CNTN5: variants seen among roughly 807,000 people sequenced by gnomAD.
CNTN5 encodes contactin-5.
CNTN5 carries 77 observed loss-of-function variants against 129.1 expected under a neutral mutation model. The observed-to-expected ratio is 0.60, with a 90% CI of 0.50 to 0.72. The LOEUF is 0.72. CNTN5 is among the 30% of genes least tolerant of loss of function. The probability of loss-of-function intolerance (pLI) is 0.00; values close to 1 mark genes in which losing one functional copy is unlikely to be tolerated. For missense variants in CNTN5, 1,478 were observed against 1,328.8 expected, an observed-to-expected ratio of 1.11 and a Z score of -1.75; for synonymous variants, 509 against 465.6, an observed-to-expected ratio of 1.09 and a Z score of -1.20.
At chr11:99,580,274 T>C (rs1949527344) in intron 3 of CNTN5, among the ~76,000 whole-genome samples, 1 of 152,206 alleles carries the variant, frequency 6.6e-6, no homozygotes, top group African/African-American at 2.4e-5. Context: ...TCATCAAAGA[T>C]ATTGGTCTAA....
chr11:99,869,287 C>T (rs192710411), intron 6 of CNTN5, among the ~76,000 whole-genome samples: 206 of 152,156 alleles, frequency 1.4e-3, no homozygotes, highest in African/African-American at 4.7e-3. Context: ...ATTAAAACTC[C>T]AAGAAATTGT....
chr11:99,645,262 CAAA>C (rs71050011), intron 3 of CNTN5, among the ~76,000 whole-genome samples: 7 of 47,486 alleles, frequency 1.5e-4, no homozygotes, highest in African/African-American at 4.0e-4. Context: ...TCCATCTCAA[CAAA>C]AAAAAAAAAA....
chr11:99,957,003 A>G lies in CNTN5; in HGVS notation c.871A>G (p.Asn291Asp). 1.2e-6 allele frequency: 2 copies of G among 1,613,462 alleles called. No homozygotes were observed. Among genetic ancestry groups the G allele is most frequent in the Non-Finnish European group, 1.7e-6 (2 of 1,179,588 alleles). The stretch of plus-strand genomic sequence containing the variant: ...TCCTCCAACGCCACTCACTCTGCGT[A>G]ATGATGGTAAGTTGCTTGGCCCGTT... ...LSPPTPLTLR[N>D]DGVMGEYEPK... The change falls in exon 8 of 25, where the codon AAT (asparagine) becomes GAT (aspartate). Residue 291 changes from asparagine (N) to aspartate (D), a missense_variant. By Grantham distance (23) the Asn-to-Asp change is conservative (BLOSUM62 1). Coordinates refer to ENST00000524871, the MANE Select transcript of CNTN5 (RefSeq NM_014361.4).
At chr11:99,978,653 A>G (rs1318148091) in intron 8 of CNTN5, among the ~76,000 whole-genome samples, 1 of 152,240 alleles carries the variant, frequency 6.6e-6, no homozygotes, top group Non-Finnish European at 1.5e-5. Flanking sequence ...AGGGTATACC[A>G]TATAGCCGAG....
At chr11:100,223,991 C>CTGA (rs1662471848) in intron 15 of CNTN5, among the ~76,000 whole-genome samples, 1 of 151,894 alleles carries the variant, frequency 6.6e-6, no homozygotes, top group African/African-American at 2.4e-5. Context: ...CTCCATGGTA[C>CTGA]TCATTGATCT....
intron 3 of CNTN5, among the ~76,000 whole-genome samples, chr11:99,759,055 T>C (rs2135267558): frequency 6.6e-6 from 1 of 152,152 alleles, no homozygotes; most frequent in East Asian, 1.9e-4. Flanking sequence ...TCGGTACAAG[T>C]TGCTTTTATA....
rs116370524 is a variant in CNTN5, at chr11:99,859,509, C to A, written c.577+14247C>A. On this transcript the variant is annotated intron_variant, in intron 6 of 24. Transcript: ENST00000524871. ...GTTAGTTTCTCAGCCTTCCCCCCAA[C>A]CCCACTTAATAGTTTCTAGTTTCTG... 5.3e-3 allele frequency among the ~76,000 whole-genome samples: 801 copies of A among 152,250 alleles called. 7 individuals are homozygous for A. The highest frequency in any genetic ancestry group is 0.019 in the African/African-American group (772 of 41,566).
At chr11:99,329,980 T>C (rs2927016) in intron 2 of CNTN5, among the ~76,000 whole-genome samples, 134,342 of 150,570 alleles carry the variant, frequency 0.89, 60,689 homozygotes, top group African/African-American at 0.94. Context: ...TAAAGCTTGG[T>C]ATCTGAAAAG....
chr11:99,869,580 A>G lies in CNTN5; in HGVS notation c.577+24318A>G, dbSNP rs141735884. 3.9e-4 allele frequency among the ~76,000 whole-genome samples: 59 copies of G among 152,232 alleles called. 1 individual carries two copies. In the East Asian group the frequency reaches 0.01, roughly 27 times the overall value. ...CCAAACGGCAATCATAGTCACTTCT[A>G]CTTCCGCTGTATATTGTAAATATAT... On this transcript the variant is annotated intron_variant, in intron 6 of 24. Transcript: ENST00000524871.
chr11:99,176,922 G>A (rs1857801453), intron 1 of CNTN5, among the ~76,000 whole-genome samples: 1 of 152,030 alleles, frequency 6.6e-6, no homozygotes, highest in Admixed American at 6.6e-5. Flanking sequence ...TACAGAATTT[G>A]ACCTGATCTT....
chr11:100,053,591 G>C (rs1943072011), intron 9 of CNTN5, among the ~76,000 whole-genome samples: 1 of 151,608 alleles, frequency 6.6e-6, no homozygotes, highest in Non-Finnish European at 1.5e-5. Context: ...CAAAGATGTA[G>C]AACAACTGGA....
chr11:99,136,660 C>T (rs892379929), intron 1 of CNTN5, among the ~76,000 whole-genome samples: 3 of 152,174 alleles, frequency 2.0e-5, no homozygotes, highest in East Asian at 3.9e-4. Context: ...ATCTCCTTCT[C>T]CTGAAGCTGC....
At chr11:99,636,197 A>T (rs903662118) in intron 3 of CNTN5, among the ~76,000 whole-genome samples, 10 of 152,056 alleles carry the variant, frequency 6.6e-5, no homozygotes, top group African/African-American at 2.4e-4. Flanking sequence ...TGGGAATTCT[A>T]CTTTTATCTT....
At chr11:100,182,285 T>C (rs1022669794) in intron 13 of CNTN5, among the ~76,000 whole-genome samples, 3 of 152,116 alleles carry the variant, frequency 2.0e-5, no homozygotes, top group African/African-American at 7.2e-5. Flanking sequence ...CTGGAGGCTG[T>C]GAAGTCCAGG....
At chr11:99,109,337 T>G (rs1313115527) in intron 1 of CNTN5, among the ~76,000 whole-genome samples, 2 of 152,182 alleles carry the variant, frequency 1.3e-5, no homozygotes, top group Non-Finnish European at 2.9e-5. Flanking sequence ...AAAAATTATA[T>G]GTGTAGAACT....
intron 7 of CNTN5, among the ~76,000 whole-genome samples, chr11:99,946,489 A>G (rs962045370): frequency 1.3e-5 from 2 of 152,134 alleles, no homozygotes; most frequent in African/African-American, 2.4e-5. Context: ...TCTCTGCTGT[A>G]TCTTGGAATT....
intron 2 of CNTN5, among the ~76,000 whole-genome samples, chr11:99,403,156 A>G (rs12789307): frequency 0.25 from 37,704 of 151,260 alleles, 5,719 homozygotes; most frequent in Non-Finnish European, 0.35. Context: ...ACAGGCGCCT[A>G]CCACCATGCC....
chr11:99,690,840 A>T (rs1010728958), intron 3 of CNTN5, among the ~76,000 whole-genome samples: 2 of 149,570 alleles, frequency 1.3e-5, no homozygotes, highest in African/African-American at 4.9e-5. Context: ...AATGATAACA[A>T]CTCTTTTTTG....
intron 3 of CNTN5, among the ~76,000 whole-genome samples, chr11:99,704,745 A>G (rs1954680096): frequency 6.6e-6 from 1 of 151,216 alleles, no homozygotes; most frequent in Admixed American, 6.6e-5. Flanking sequence ...AATTCATTAT[A>G]CTTTTGAAGA....
Sources: allele counts gnomAD v4.1 joint callset (sites outside exome capture counted in the v4.1 genomes callset), GRCh38; gene constraint gnomAD v4.1.1; transcripts MANE v1.5; gene names NCBI Gene and HGNC (gene_info 2026-07-23, HGNC 2026-07-21).